The following PTPRE variants were observed in gnomAD, a reference collection of about 807,000 sequenced individuals.
PTPRE encodes the protein receptor-type tyrosine-protein phosphatase epsilon.
PTPRE carries 51 observed loss-of-function variants against 102.0 expected under a neutral mutation model. The observed-to-expected ratio is 0.50, with a 90% CI of 0.40 to 0.63. The LOEUF is 0.63. Ranked by LOEUF, PTPRE falls within the 30% of genes least tolerant of loss-of-function variation. The pLI is 0.00. For synonymous variants in PTPRE, 345 were observed against 348.2 expected, an observed-to-expected ratio of 0.99 and a Z score of 0.10; for missense variants, 752 against 915.1, an observed-to-expected ratio of 0.82 and a Z score of 2.30.
At chr10:127,940,274 C>T (rs1054034651) in intron 1 of PTPRE, among the ~76,000 whole-genome samples, 1 of 152,116 alleles carries the variant, frequency 6.6e-6, no homozygotes, top group East Asian at 1.9e-4. Flanking sequence ...TGAATAAACA[C>T]CCCAGAAGCT....
At chr10:128,016,634 C>G (rs945741719) in intron 2 of PTPRE, among the ~76,000 whole-genome samples, 2 of 151,972 alleles carry the variant, frequency 1.3e-5, no homozygotes, top group Non-Finnish European at 1.5e-5. Flanking sequence ...ACCCAGGTGG[C>G]CGAGATGTGT....
chr10:128,024,353 G>A (rs1002898559), intron 2 of PTPRE, among the ~76,000 whole-genome samples: 1 of 152,228 alleles, frequency 6.6e-6, no homozygotes, highest in Non-Finnish European at 1.5e-5. Flanking sequence ...CATTGGGCTT[G>A]TTGGTTGTTG....
At position 128,020,022 on chromosome 10, in the gene PTPRE, C is replaced by CTGTGTG. The variant is rs34036600; in HGVS notation, c.-7-20834_-7-20829dup. Among the ~76,000 whole-genome samples, 274 of 150,806 alleles carry CTGTGTG rather than the reference C, an allele frequency of 1.8e-3. 1 individual carries two copies. Among genetic ancestry groups the CTGTGTG allele is most frequent in the African/African-American group, 3.4e-3 (138 of 41,146 alleles). ...CAAAGGCTTTGCCAGAGGGTGGAGG[C>CTGTGTG]TGTGTGTGTGTGTGTGTGTGTGTGC... On this transcript the variant is annotated intron_variant, in intron 2 of 20. Coordinates refer to ENST00000254667, the MANE Select transcript of PTPRE (RefSeq NM_006504.6).
chr10:128,011,431 C>T (rs1844998886), intron 2 of PTPRE, among the ~76,000 whole-genome samples: 1 of 152,168 alleles, frequency 6.6e-6, no homozygotes. Flanking sequence ...GGAGGAGGCG[C>T]GGGTTAGGAA....
At chr10:127,962,144 GAGGGA>G (rs1243833704) in intron 1 of PTPRE, among the ~76,000 whole-genome samples, 1 of 152,202 alleles carries the variant, frequency 6.6e-6, no homozygotes, top group Non-Finnish European at 1.5e-5. Flanking sequence ...CCCAGAGGTT[GAGGGA>G]GGAGCAGCCC....
In PTPRE at chr10:128,084,934, C is replaced by A; in HGVS notation, c.*2028C>A. ...ATGGTCTAACTGGCATCTCTTGTAT[C>A]AAGAAGTACCTTTAAGGTAGACCTT... On this transcript the variant is annotated 3_prime_UTR_variant, in exon 21 of 21. Coordinates refer to ENST00000254667, the MANE Select transcript of PTPRE (RefSeq NM_006504.6). The A allele has an allele frequency of 3.5e-6, 1 of 288,072 alleles. No homozygotes were observed. Among genetic ancestry groups the A allele is most frequent in the South Asian group, 3.0e-5 (1 of 33,410 alleles). The allele number at this position is 288,072 out of a possible 1,614,324, so 17.8% of individuals were successfully genotyped here.
intron 1 of PTPRE, among the ~76,000 whole-genome samples, chr10:127,976,214 T>C (rs1466296041): frequency 6.6e-6 from 1 of 152,066 alleles, no homozygotes; most frequent in African/African-American, 2.4e-5. Flanking sequence ...GGTGAACAAA[T>C]TCATAGCTCT....
At chr10:128,033,859 G>T (rs1271742506) in intron 2 of PTPRE, among the ~76,000 whole-genome samples, 2 of 152,144 alleles carry the variant, frequency 1.3e-5, no homozygotes, top group East Asian at 1.9e-4. Context: ...TGGCCAGGAT[G>T]GTCTCGAACT....
rs57166500 is a variant in PTPRE, at chr10:127,988,304, C to CTTTTTT, written c.-8+6022_-8+6027dup. ...CATTTGCAGTGACTTTTTTTCTTTT[C>CTTTTTT]TTTTTTTTTTTTTTTTTTTGAGACT... On this transcript the variant is annotated intron_variant, in intron 2 of 20. Transcript: ENST00000254667. Among the ~76,000 whole-genome samples, 199 of 123,790 alleles carry CTTTTTT rather than the reference C, an allele frequency of 1.6e-3. 1 individual carries two copies. The highest frequency in any genetic ancestry group is 2.0e-3 in the Non-Finnish European group (123 of 61,366). 81.2% of individuals were successfully genotyped at this position (123,790 alleles called of 152,430 possible). A position where few individuals can be genotyped will look rare whatever the true frequency, so the allele number is the denominator to read the frequency against.
chr10:128,059,604 C>G (rs1480455433), intron 7 of PTPRE, among the ~76,000 whole-genome samples: 1 of 152,166 alleles, frequency 6.6e-6, no homozygotes, highest in Non-Finnish European at 1.5e-5. Context: ...AAGCTTCTAC[C>G]ACATGCCAGA....
intron 1 of PTPRE, among the ~76,000 whole-genome samples, chr10:127,951,237 T>A (rs928460596): frequency 6.6e-6 from 1 of 152,170 alleles, no homozygotes; most frequent in Non-Finnish European, 1.5e-5. Flanking sequence ...ATTCCCAGAC[T>A]TGAGCCAGTT....
intron 5 of PTPRE, 52 bp downstream of exon 5, chr10:128,047,889 A>C: frequency 6.6e-7 from 1 of 1,511,380 alleles, no homozygotes; most frequent in Non-Finnish European, 8.9e-7. Flanking sequence ...GTTCTTTTTT[A>C]GCAGACACTG....
intron 1 of PTPRE, among the ~76,000 whole-genome samples, chr10:127,971,367 C>T (rs1460032562): frequency 6.6e-6 from 1 of 152,152 alleles, no homozygotes; most frequent in African/African-American, 2.4e-5. Context: ...TTGGCACCCC[C>T]CTGGAGGGCG....
intron 2 of PTPRE, among the ~76,000 whole-genome samples, chr10:128,016,359 C>A (rs1845425773): frequency 6.6e-6 from 1 of 152,174 alleles, no homozygotes; most frequent in African/African-American, 2.4e-5. Context: ...TTATGTTAAC[C>A]AGGCACCCCC....
chr10:128,016,646 G>A (rs61873750), intron 2 of PTPRE, among the ~76,000 whole-genome samples: 8,840 of 152,100 alleles, frequency 0.058, 381 homozygotes, highest in Middle Eastern at 0.12. Flanking sequence ...GAGATGTGTC[G>A]GTCCCTGGGA....
At chr10:128,031,474 G>A (rs1017289491) in intron 2 of PTPRE, among the ~76,000 whole-genome samples, 7 of 152,236 alleles carry the variant, frequency 4.6e-5, no homozygotes, top group South Asian at 2.1e-4. Context: ...CCCCAAGGGC[G>A]GATGGGTGGA....
At chr10:128,073,289 C>A (rs1850941328) in intron 16 of PTPRE, 48 bp from the exon 17 acceptor site, 1 of 1,607,798 alleles carries the variant, frequency 6.2e-7, no homozygotes, top group Non-Finnish European at 8.5e-7. Context: ...GGTAATGGAG[C>A]CAGGATGGAA....
At chr10:127,937,342 T>G (rs1042884298) in intron 1 of PTPRE, among the ~76,000 whole-genome samples, 8 of 152,170 alleles carry the variant, frequency 5.3e-5, no homozygotes, top group Non-Finnish European at 1.2e-4. Context: ...TTGTTGAAAA[T>G]CAGGTGATTT....
Position 128,069,731 on chromosome 10 carries a change from T to C in PTPRE, c.1047T>C (p.Asp349=). 6.2e-7 allele frequency: 1 copy of C among 1,614,186 alleles called. No individual in the cohort carries two copies. Among genetic ancestry groups the C allele is most frequent in the Non-Finnish European group, 8.5e-7 (1 of 1,180,024 alleles). ...GGACGGGCACCTTCATTGTGATCGATGCCATGATGGCCATGATGCACGCGG... is the reference window on the plus strand; with the variant it reads ...GGACGGGCACCTTCATTGTGATCGACGCCATGATGGCCATGATGCACGCGG... The part of the protein sequence containing the change: ...VGRTGTFIVI[D]AMMAMMHAEQ... The change falls in exon 13 of 21, where the codon GAT becomes GAC. Residue 349 remains aspartate (D), a synonymous_variant. Coordinates refer to ENST00000254667, the MANE Select transcript of PTPRE (RefSeq NM_006504.6).
Sources: allele counts gnomAD v4.1 joint callset (sites outside exome capture counted in the v4.1 genomes callset), GRCh38; gene constraint gnomAD v4.1.1; transcripts MANE v1.5; gene names NCBI Gene and HGNC (gene_info 2026-07-23, HGNC 2026-07-21).